The following MBD5 variants were observed in gnomAD, a reference collection of about 807,000 sequenced individuals.
MBD5 encodes the protein methyl-CpG binding domain protein 5.
Under a neutral mutation model 117.3 loss-of-function variants are expected in MBD5, and 13 were observed. That is an observed-to-expected ratio of 0.11 (90% CI 0.07 to 0.18). MBD5 has a LOEUF of 0.18. Ranked by LOEUF, MBD5 falls within the 10% of genes least tolerant of loss-of-function variation. The pLI is 1.00. For missense variants in MBD5, 1,879 were observed against 2,093.8 expected (o/e 0.90, Z 2.00); for synonymous variants, 727 against 766.4 (o/e 0.95, Z 0.85).
Position 148,428,590 on chromosome 2 carries a change from A to G in MBD5, c.-556-29613A>G, listed in dbSNP as rs191081544. 1.4e-3 allele frequency among the ~76,000 whole-genome samples: 215 copies of G among 152,328 alleles called. 1 individual carries two copies. Among genetic ancestry groups the G allele is most frequent in the Non-Finnish European group, 3.5e-4 (24 of 68,030 alleles). On this transcript the variant is annotated intron_variant, in intron 4 of 13. Coordinates refer to ENST00000642680, the MANE Select transcript of MBD5 (RefSeq NM_001378120.1). Reference sequence around the variant, plus strand: ...GGAGGCATCACACTACCTGACTTCAAACTATACTACAAGGCTACAGTAACC... The same window carrying G: ...GGAGGCATCACACTACCTGACTTCAGACTATACTACAAGGCTACAGTAACC...
rs201427792 is a variant in MBD5 at position 148,079,857 on chromosome 2, AAACAACAACAACAACAACAACAAC to A, written c.-925+58197_-925+58220del. 3.2e-5 allele frequency among the ~76,000 whole-genome samples: 4 copies of A among 123,476 alleles called. No homozygotes were observed. The South Asian group carries it at 1.0e-3, about 31-fold the overall frequency. 81.0% of individuals were successfully genotyped at this position (123,476 alleles called of 152,430 possible). A position where few individuals can be genotyped will look rare whatever the true frequency, so the allele number is the denominator to read the frequency against. ...AGGCGACAGAGGGAGACTCTGTCTA[AAACAACAACAACAACAACAACAAC>A]AACAACAACAACAACAACAACAAAA... On this transcript the variant is annotated intron_variant, in intron 1 of 13. Coordinates refer to ENST00000642680, the MANE Select transcript of MBD5 (RefSeq NM_001378120.1).
At position 148,483,587 on chromosome 2, in the gene MBD5, C is replaced by T; in HGVS notation, c.2996C>T (p.Ala999Val). The change falls in exon 9 of 14, where the codon GCA (alanine) becomes GTA (valine). Residue 999 changes from alanine to valine, a missense_variant. Coordinates refer to ENST00000642680, the MANE Select transcript of MBD5 (RefSeq NM_001378120.1). ...GCCTTGCTTCAGAACCAAGCCCAAG[C>T]AGCTGCCATGCTTCCCCTGCCATCT... ...LAALLQNQAQ[A>V]AAMLPLPSFN... is the part of the protein sequence containing the mutation. 6.4e-7 allele frequency: 1 copy of T among 1,557,990 alleles called. No homozygotes were observed. Among genetic ancestry groups the T allele is most frequent in the Non-Finnish European group, 8.7e-7 (1 of 1,150,908 alleles).
At chr2:148,129,338 T>C (rs556104886) in intron 1 of MBD5, among the ~76,000 whole-genome samples, 49 of 151,846 alleles carry the variant, frequency 3.2e-4, no homozygotes, top group African/African-American at 1.2e-3. Context: ...TACTAAAAAA[T>C]AGAAAAATTA....
intron 3 of MBD5, among the ~76,000 whole-genome samples, chr2:148,274,961 C>T (rs1701072593): frequency 6.6e-6 from 1 of 151,994 alleles, no homozygotes; most frequent in African/African-American, 2.4e-5. Flanking sequence ...CAGGTGTTGA[C>T]CTCAAGTGAT....
chr2:148,079,158 G>C (rs1415821447), intron 1 of MBD5, among the ~76,000 whole-genome samples: 2 of 152,180 alleles, frequency 1.3e-5, no homozygotes, highest in Non-Finnish European at 2.9e-5. Flanking sequence ...AGTGTCTAAA[G>C]TTATTCATTG....
intron 1 of MBD5, among the ~76,000 whole-genome samples, chr2:148,073,138 G>C (rs1474077237): frequency 1.3e-5 from 2 of 152,016 alleles, no homozygotes; most frequent in Non-Finnish European, 2.9e-5. Context: ...AGAAGTGTGA[G>C]TTTCTCGCTG....
intron 1 of MBD5, among the ~76,000 whole-genome samples, chr2:148,147,278 T>G (rs183895550): frequency 6.6e-6 from 1 of 151,990 alleles, no homozygotes; most frequent in African/African-American, 2.4e-5. Flanking sequence ...AGTCTCGCAC[T>G]GTCACCCAGG....
At chr2:148,100,769 T>C (rs1412455991) in intron 1 of MBD5, among the ~76,000 whole-genome samples, 1 of 152,214 alleles carries the variant, frequency 6.6e-6, no homozygotes, top group East Asian at 1.9e-4. Context: ...CTTTATCCTT[T>C]GTATGACCTA....
chr2:148,359,745 T>C lies in MBD5; in HGVS notation c.-557+17409T>C, dbSNP rs186598400. Among the ~76,000 whole-genome samples, 821 of 152,316 alleles carry C rather than the reference T, an allele frequency of 5.4e-3. 3 individuals are homozygous for C. Among genetic ancestry groups the C allele is most frequent in the Non-Finnish European group, 9.1e-3 (619 of 68,006 alleles). On this transcript the variant is annotated intron_variant, in intron 4 of 13. Coordinates refer to ENST00000642680, the MANE Select transcript of MBD5 (RefSeq NM_001378120.1). Reference sequence around the variant, plus strand: ...TCTATGAATCCTAGTCATTTAAATGTGGTTTTTCAATGTTACCCATTTTAA... The same window carrying C: ...TCTATGAATCCTAGTCATTTAAATGCGGTTTTTCAATGTTACCCATTTTAA...
intron 1 of MBD5, among the ~76,000 whole-genome samples, chr2:148,131,568 C>G (rs1447414455): frequency 2.0e-5 from 3 of 152,086 alleles, no homozygotes; most frequent in Non-Finnish European, 4.4e-5. Flanking sequence ...TGGTGGCATG[C>G]AGCTTCAGTC....
chr2:148,328,585 G>A (rs2105020650), intron 3 of MBD5, among the ~76,000 whole-genome samples: 2 of 152,356 alleles, frequency 1.3e-5, no homozygotes, highest in Admixed American at 6.5e-5. Context: ...CAGTATTCGG[G>A]TGGGAGTGAC....
chr2:148,289,874 T>C (rs2106420762), intron 3 of MBD5, among the ~76,000 whole-genome samples: 1 of 143,872 alleles, frequency 7.0e-6, no homozygotes, highest in South Asian at 2.2e-4. Flanking sequence ...TTAATAGTTA[T>C]TTGGTTTTAA....
intron 2 of MBD5, among the ~76,000 whole-genome samples, chr2:148,206,675 A>G (rs1360183223): frequency 6.6e-6 from 1 of 152,190 alleles, no homozygotes; most frequent in African/African-American, 2.4e-5. Flanking sequence ...AGAGCACTCT[A>G]TTCTCTGATA....
chr2:148,470,044 A>G lies in MBD5; in HGVS notation c.2101A>G (p.Met701Val), dbSNP rs398124343. ...QGQGSFPISS[M>V]SQLLQSMSCQ... ...TCAGGGTTCATTTCCCATCAGTTCA[A>G]TGTCTCAGTTACTACAGTCTATGAG... Residue 701 changes from methionine (M) to valine (V), a missense_variant, in exon 8 of 14, where the codon ATG (methionine) becomes GTG (valine). Around this residue, in one of 4 missense-constraint regions of MBD5, gnomAD observed 1,666 missense variants for 1,792.2 expected, o/e 0.93. Transcript: ENST00000642680. 35 of 1,613,716 alleles carry G rather than the reference A, an allele frequency of 2.2e-5. No homozygotes were observed. Among genetic ancestry groups the G allele is most frequent in the Non-Finnish European group, 2.6e-5 (31 of 1,179,880 alleles).
At chr2:148,055,433 CTTTTTTTA>C (rs1162100025) in intron 1 of MBD5, 1 of 106,470 alleles carries the variant, frequency 9.4e-6, no homozygotes, top group Non-Finnish European at 2.0e-5. Flanking sequence ...TTTTTTTTTT[CTTTTTTTA>C]TTTTGAGACA....
chr2:148,163,888 A>G (rs1698068150), intron 1 of MBD5, among the ~76,000 whole-genome samples: 1 of 152,222 alleles, frequency 6.6e-6, no homozygotes, highest in Admixed American at 6.5e-5. Context: ...ATATGTAACC[A>G]CTTTTATATA....
chr2:148,189,388 C>T (rs1698771589), intron 2 of MBD5, among the ~76,000 whole-genome samples: 1 of 150,884 alleles, frequency 6.6e-6, no homozygotes, highest in Non-Finnish European at 1.5e-5. Context: ...AGTGGTTCTC[C>T]CAGCACACAG....
chr2:148,056,842 C>T lies in MBD5; in HGVS notation c.-925+35158C>T, dbSNP rs555992846. Among the ~76,000 whole-genome samples the T allele has an allele frequency of 2.1e-3, 320 of 151,648 alleles. 1 individual carries two copies. The highest frequency in any genetic ancestry group is 9.6e-3 in the South Asian group (46 of 4,806). On this transcript the variant is annotated intron_variant, in intron 1 of 13. Coordinates refer to ENST00000642680, the MANE Select transcript of MBD5 (RefSeq NM_001378120.1). ...AATGCATAGTGAAATTCATCTATAACCTATTAAGGTTGCTTTTTGTGTGTG... is the reference window on the plus strand; with the variant it reads ...AATGCATAGTGAAATTCATCTATAATCTATTAAGGTTGCTTTTTGTGTGTG...
rs748307129 is a variant in MBD5 at position 148,468,959 on chromosome 2, C to A, written c.1016C>A (p.Pro339His). 15 of 1,613,714 alleles carry A rather than the reference C, an allele frequency of 9.3e-6. No individual in the cohort carries two copies. Among genetic ancestry groups the A allele is most frequent in the South Asian group, 2.2e-5 (2 of 91,078 alleles). ...HHKPPQGPPP[P>H]PPPSCALQKK... is the part of the protein sequence containing the mutation. ...AAACCACCCCAAGGCCCACCTCCCC[C>A]TCCTCCACCTTCTTGTGCTCTTCAG... Residue 339 changes from proline (P) to histidine (H), a missense_variant, in exon 8 of 14, where the codon CCT becomes CAT. Transcript: ENST00000642680.
Sources: gnomAD v4.1 joint callset for allele counts (sites outside exome capture counted in the v4.1 genomes callset) on GRCh38, gnomAD v4.1.1 for gene constraint, gnomAD v4.1.1 regional missense constraint, MANE v1.5 for transcripts, NCBI Gene and HGNC (gene_info 2026-07-23, HGNC 2026-07-21) for gene names.